HECTD4: variants seen among roughly 807,000 people sequenced by gnomAD.
The protein encoded by HECTD4 is probable E3 ubiquitin-protein ligase HECTD4.
HECTD4 carries 114 observed loss-of-function variants against 471.5 expected under a neutral mutation model. The ratio of observed to expected loss-of-function variants is 0.24; its 90% CI spans 0.21 to 0.28. The LOEUF (loss-of-function observed/expected upper bound fraction) is 0.28. Ranked by LOEUF, HECTD4 falls within the 10% of genes least tolerant of loss-of-function variation. The pLI, the probability that HECTD4 is intolerant of heterozygous loss-of-function variation, is 1.00. For missense variants in HECTD4, 3,866 were observed against 5,651.5 expected (o/e 0.68, Z 10.13); for synonymous variants, 2,012 against 2,256.0 (o/e 0.89, Z 3.07).
At chr12:112,176,963 C>T (rs891009826) in intron 64 of HECTD4, among the ~76,000 whole-genome samples, 1 of 152,216 alleles carries the variant, frequency 6.6e-6, no homozygotes, top group Admixed American at 6.5e-5. Context: ...TATTTTAGAG[C>T]TACACTGTTC....
rs974897950 is a variant in HECTD4, at chr12:112,231,603, T to A, written c.6110A>T (p.Asn2037Ile). ...GGATAGTCCACTCACAGTCTCTGGGTTGATAGACTCTACAGGTGGCCCAAT... is the reference window on the plus strand; with the variant it reads ...GGATAGTCCACTCACAGTCTCTGGGATGATAGACTCTACAGGTGGCCCAAT... ...VSIGPPVESI[N>I]PETVSGLSTG... Residue 2037 changes from asparagine to isoleucine, a missense_variant, in exon 39 of 76, where the codon AAC (asparagine) becomes ATC (isoleucine). This residue lies in a region of HECTD4 where 617 missense variants were observed against 915.1 expected (regional missense o/e 0.67). Coordinates refer to ENST00000682272, the MANE Select transcript of HECTD4 (RefSeq NM_001388303.1). The A allele has an allele frequency of 6.2e-7, 1 of 1,613,982 alleles. No individual in the cohort carries two copies.
intron 14 of HECTD4, 21 bp downstream of exon 14, chr12:112,266,891 T>A: frequency 8.0e-7 from 1 of 1,242,912 alleles, no homozygotes; most frequent in Non-Finnish European, 1.2e-6. Flanking sequence ...TGTTCAAAGA[T>A]AATTAAAGGA....
chr12:112,187,776 G>C (rs968351929), intron 60 of HECTD4, among the ~76,000 whole-genome samples: 1 of 151,240 alleles, frequency 6.6e-6, no homozygotes. Flanking sequence ...ACAGGCGCCC[G>C]CTATCACACC....
chr12:112,171,361 T>G (rs778214154), intron 67 of HECTD4, 98 bp from the exon 68 acceptor site: 4 of 1,515,702 alleles, frequency 2.6e-6, no homozygotes, highest in Non-Finnish European at 3.5e-6. Context: ...CGAACAGGAT[T>G]GGTGGATTTT....
rs765640840 is a variant in HECTD4 at position 112,239,036 on chromosome 12, G to A, written c.5290+16C>T. The A allele has an allele frequency of 6.2e-7, 1 of 1,601,782 alleles. No homozygotes were observed. The highest frequency in any genetic ancestry group is 1.1e-5 in the South Asian group (1 of 88,598). Reference sequence around the variant, plus strand: ...GAAGAAATCAGTGAGCTCTAGAAAGGAGTCTGGCATCTCACCTTCCTCTTT... The same window carrying A: ...GAAGAAATCAGTGAGCTCTAGAAAGAAGTCTGGCATCTCACCTTCCTCTTT... On this transcript the variant is annotated intron_variant, in intron 34 of 75. Coordinates refer to ENST00000682272, the MANE Select transcript of HECTD4 (RefSeq NM_001388303.1). This position sits in a 1 kb window ranked among gnomAD's most constrained non-coding sequence, Gnocchi z 4.9.
At chr12:112,330,561 T>C (rs2035828379) in intron 1 of HECTD4, among the ~76,000 whole-genome samples, 1 of 152,200 alleles carries the variant, frequency 6.6e-6, no homozygotes, top group Non-Finnish European at 1.5e-5. Context: ...CTGATACGTG[T>C]AACAGTTACC....
chr12:112,258,804 A>G (rs549906572), intron 19 of HECTD4: 25 of 561,334 alleles, frequency 4.5e-5, no homozygotes, highest in Middle Eastern at 9.2e-4. Flanking sequence ...AGCTACTATT[A>G]GCTGGCAAGG....
chr12:112,261,494 C>A, intron 17 of HECTD4, 65 bp from the exon 18 acceptor site: 1 of 1,420,266 alleles, frequency 7.0e-7, no homozygotes, highest in Non-Finnish European at 9.7e-7. Context: ...ACAATGACAA[C>A]ATGAAATGAT....
intron 8 of HECTD4, among the ~76,000 whole-genome samples, chr12:112,280,375 C>T (rs1183462623): frequency 6.6e-6 from 1 of 152,024 alleles, no homozygotes; most frequent in Non-Finnish European, 1.5e-5. Context: ...TATATACAAG[C>T]CTAGCGAGGA....
At chr12:112,379,675 CAGAG>C (rs1423571953) in intron 1 of HECTD4, among the ~76,000 whole-genome samples, 4 of 151,636 alleles carry the variant, frequency 2.6e-5, no homozygotes, top group Non-Finnish European at 5.9e-5. Flanking sequence ...GCCTGGGCAA[CAGAG>C]AGAGACCCTG....
intron 71 of HECTD4, 80 bp from the exon 72 acceptor site, chr12:112,167,618 A>C (rs950625215): frequency 8.3e-7 from 1 of 1,210,204 alleles, no homozygotes; most frequent in Non-Finnish European, 1.2e-6. Context: ...AAGCCACCAT[A>C]CCCTGTGGCA....
At chr12:112,263,019 A>C (rs574160120) in intron 17 of HECTD4, among the ~76,000 whole-genome samples, 1 of 152,192 alleles carries the variant, frequency 6.6e-6, no homozygotes, top group East Asian at 1.9e-4. Flanking sequence ...GACATTCATG[A>C]TCATCTACTG....
In HECTD4 at chr12:112,210,012, T is replaced by C. The variant is rs753009581; in HGVS notation, c.7867+3A>G. 1.9e-6 allele frequency: 3 copies of C among 1,610,144 alleles called. No individual in the cohort carries two copies. The South Asian group carries it at 3.3e-5, about 18-fold the overall frequency. On this transcript the variant is annotated splice_donor_region_variant and intron_variant, in intron 50 of 75. Coordinates refer to ENST00000682272, the MANE Select transcript of HECTD4 (RefSeq NM_001388303.1). ...AGGCAGTAAGTTCCAGGAGGTGACT[T>C]ACGTTGCTGAGCGGTGGCCACGGCA...
At chr12:112,169,891 C>A in intron 69 of HECTD4, 1 of 603,490 alleles carries the variant, frequency 1.7e-6, no homozygotes, top group Non-Finnish European at 2.9e-6. Context: ...TTGGCCCCTT[C>A]TCATCTTCTA....
chr12:112,292,015 T>C (rs1566101153), intron 7 of HECTD4, among the ~76,000 whole-genome samples: 2 of 152,250 alleles, frequency 1.3e-5, no homozygotes, highest in Admixed American at 1.3e-4. Flanking sequence ...AAACCTACAA[T>C]GAACCTTTAA....
intron 72 of HECTD4, among the ~76,000 whole-genome samples, chr12:112,165,421 A>G (rs1252578366): frequency 4.8e-5 from 7 of 145,010 alleles, no homozygotes; most frequent in Non-Finnish European, 7.5e-5. Flanking sequence ...GCGCGATATC[A>G]GCTCACTGCA....
intron 14 of HECTD4, 131 bp downstream of exon 14, chr12:112,266,781 C>T (rs1857134067): frequency 3.0e-6 from 2 of 666,250 alleles, no homozygotes; most frequent in East Asian, 2.9e-5. Context: ...CGTGCCTGGC[C>T]TGCAGATACA....
chr12:112,165,934 T>A (rs535905823), intron 72 of HECTD4, among the ~76,000 whole-genome samples: 2 of 152,304 alleles, frequency 1.3e-5, no homozygotes, highest in East Asian at 3.9e-4. Flanking sequence ...GTCTCCTTAG[T>A]AGCAACCTCC....
At chr12:112,257,182 G>A (rs1220836567) in intron 20 of HECTD4, among the ~76,000 whole-genome samples, 1 of 152,098 alleles carries the variant, frequency 6.6e-6, no homozygotes, top group African/African-American at 2.4e-5. Flanking sequence ...AAGCCTTACT[G>A]TCCAATATGG....
Sources: allele counts gnomAD v4.1 joint callset (sites outside exome capture counted in the v4.1 genomes callset), GRCh38; gene constraint gnomAD v4.1.1; regional missense constraint gnomAD v4.1.1; non-coding constraint Gnocchi (gnomAD v3.1); transcripts MANE v1.5; gene names NCBI Gene and HGNC (gene_info 2026-07-23, HGNC 2026-07-21).